Variants in THSD4 observed in about 807,000 individuals in gnomAD.
THSD4 encodes thrombospondin type-1 domain-containing protein 4.
In THSD4, 69 loss-of-function variants were observed where a neutral mutation model predicts 119.0. That is an observed-to-expected ratio of 0.58 (90% CI 0.48 to 0.71). THSD4 has a LOEUF of 0.71. Among genes scored for constraint, THSD4 ranks in the 30% least tolerant of loss-of-function variants. The pLI is 0.00. For missense variants in THSD4, 1,393 were observed against 1,391.1 expected (o/e 1.00, Z -0.02); for synonymous variants, 524 against 540.4 (o/e 0.97, Z 0.42).
chr15:71,389,222 A>G (rs943461378), intron 6 of THSD4, among the ~76,000 whole-genome samples: 1 of 152,160 alleles, frequency 6.6e-6, no homozygotes, highest in Admixed American at 6.5e-5. Flanking sequence ...TGTGCAACAA[A>G]TCTCTAGCAT....
intron 7 of THSD4, among the ~76,000 whole-genome samples, chr15:71,637,282 A>G (rs886077230): frequency 6.6e-6 from 1 of 152,236 alleles, no homozygotes; most frequent in Non-Finnish European, 1.5e-5. Context: ...GATGATAACT[A>G]AGATGGTTTG....
intron 7 of THSD4, among the ~76,000 whole-genome samples, chr15:71,647,826 A>G (rs2051000931): frequency 6.6e-6 from 1 of 152,180 alleles, no homozygotes; most frequent in Non-Finnish European, 1.5e-5. Flanking sequence ...GGACTTCAAT[A>G]TGGGATTGCA....
At chr15:71,762,842 G>A (rs2053648968) in intron 15 of THSD4, among the ~76,000 whole-genome samples, 1 of 152,166 alleles carries the variant, frequency 6.6e-6, no homozygotes, top group Non-Finnish European at 1.5e-5. Flanking sequence ...GCCAAGGCAG[G>A]CAGATCACTT....
chr15:71,309,328 C>T (rs963077280), intron 6 of THSD4, among the ~76,000 whole-genome samples: 1 of 152,104 alleles, frequency 6.6e-6, no homozygotes. Context: ...TATTCAAATC[C>T]TTTACCTATC....
At chr15:71,194,978 G>A (rs1182025605) in intron 3 of THSD4, among the ~76,000 whole-genome samples, 5 of 152,068 alleles carry the variant, frequency 3.3e-5, no homozygotes, top group African/African-American at 7.2e-5. Context: ...AGCCCAGCAC[G>A]GGGCTGGGAC....
intron 2 of THSD4, among the ~76,000 whole-genome samples, chr15:71,143,318 C>T (rs576900390): frequency 6.6e-6 from 1 of 152,164 alleles, no homozygotes; most frequent in African/African-American, 2.4e-5. Flanking sequence ...TATTTCAAGA[C>T]ATGAAATATG....
At chr15:71,123,390 C>A (rs1052271454) in intron 1 of THSD4, among the ~76,000 whole-genome samples, 11 of 152,182 alleles carry the variant, frequency 7.2e-5, no homozygotes, top group African/African-American at 2.7e-4. Flanking sequence ...GCTTCAGTTT[C>A]CTCATGTATG....
intron 3 of THSD4, among the ~76,000 whole-genome samples, chr15:71,191,521 T>A (rs564956356): frequency 6.6e-6 from 1 of 152,344 alleles, no homozygotes; most frequent in South Asian, 2.1e-4. Flanking sequence ...CATCTGTTAT[T>A]CTACTTAAAC....
chr15:71,102,634 G>C (rs1032200567), intron 1 of THSD4, among the ~76,000 whole-genome samples: 4 of 151,942 alleles, frequency 2.6e-5, no homozygotes, highest in African/African-American at 9.7e-5. Flanking sequence ...GTGTGATCTT[G>C]GCTCACTGCA....
Position 71,691,757 on chromosome 15 carries a change from T to C in THSD4, c.1357+31023T>C, listed in dbSNP as rs540858529. Among the ~76,000 whole-genome samples, 143 of 152,256 alleles carry C rather than the reference T, an allele frequency of 9.4e-4. 1 individual carries two copies. The highest frequency in any genetic ancestry group is 3.4e-3 in the African/African-American group (140 of 41,546). ...TTTAGGGTGTGAGAGAGATTGACAT[T>C]CTCTCCCTTGTCTAGCACAGGACTG... is the stretch of plus-strand genomic sequence containing the variant. On this transcript the variant is annotated intron_variant, in intron 8 of 17. Coordinates refer to ENST00000261862, the MANE Select transcript of THSD4 (RefSeq NM_024817.3).
chr15:71,351,802 A>G (rs541913067), intron 6 of THSD4, among the ~76,000 whole-genome samples: 36 of 152,220 alleles, frequency 2.4e-4, no homozygotes, highest in African/African-American at 7.0e-4. Context: ...ACTTCTCCCA[A>G]CTTGGTCCAT....
At chr15:71,686,616 A>T (rs1171798559) in intron 8 of THSD4, among the ~76,000 whole-genome samples, 1 of 152,188 alleles carries the variant, frequency 6.6e-6, no homozygotes, top group Non-Finnish European at 1.5e-5. Flanking sequence ...CTTGGGTTAT[A>T]AGGACAAAGG....
At chr15:71,510,148 A>G (rs977027411) in intron 7 of THSD4, among the ~76,000 whole-genome samples, 6 of 152,204 alleles carry the variant, frequency 3.9e-5, no homozygotes, top group Admixed American at 3.3e-4. Context: ...AAGTTGTTGC[A>G]TTGATAGAAC....
chr15:71,654,129 G>T (rs1215122285), intron 7 of THSD4, among the ~76,000 whole-genome samples: 4 of 152,148 alleles, frequency 2.6e-5, no homozygotes, highest in Non-Finnish European at 4.4e-5. Context: ...ACAAATGGGA[G>T]TGTTTGTGTT....
intron 7 of THSD4, among the ~76,000 whole-genome samples, chr15:71,503,066 A>T (rs1339683411): frequency 2.3e-5 from 3 of 128,052 alleles, no homozygotes; most frequent in Admixed American, 2.2e-4. Context: ...TTTGAGAAGC[A>T]CTCAGTTAGG....
At chr15:71,476,954 G>A (rs12595340) in intron 7 of THSD4, among the ~76,000 whole-genome samples, 1 of 152,104 alleles carries the variant, frequency 6.6e-6, no homozygotes, top group African/African-American at 2.4e-5. Context: ...GAGTGAACGC[G>A]CACTGGCATC....
intron 7 of THSD4, among the ~76,000 whole-genome samples, chr15:71,517,029 C>T (rs920174209): frequency 1.3e-5 from 2 of 152,206 alleles, no homozygotes; most frequent in Admixed American, 6.5e-5. Flanking sequence ...CAGACAGACT[C>T]TTCCTAAGGT....
At chr15:71,765,285 G>T in intron 16 of THSD4, 86 bp downstream of exon 16, 3 of 1,454,370 alleles carry the variant, frequency 2.1e-6, no homozygotes, top group Non-Finnish European at 2.7e-6. Flanking sequence ...CCAGGCACTG[G>T]GTTCAGCCCT....
rs754362583 is a variant in THSD4, at chr15:71,777,808, G to A, written c.*434G>A. 11 of 187,766 alleles carry A rather than the reference G, an allele frequency of 5.9e-5. No individual in the cohort carries two copies. The highest frequency in any genetic ancestry group is 9.2e-5 in the African/African-American group (4 of 43,594). The allele number at this position is 187,766 out of a possible 1,614,324, so 11.6% of individuals were successfully genotyped here. Reference sequence around the variant, plus strand: ...AAGGAGGCAGCGCCCCCAACCCAGCGCCCCACTAAGCCTTGCTGACACGCG... The same window carrying A: ...AAGGAGGCAGCGCCCCCAACCCAGCACCCCACTAAGCCTTGCTGACACGCG... On this transcript the variant is annotated 3_prime_UTR_variant, in exon 18 of 18. Coordinates refer to ENST00000261862, the MANE Select transcript of THSD4 (RefSeq NM_024817.3).
Sources: gnomAD v4.1 joint callset for allele counts (sites outside exome capture counted in the v4.1 genomes callset) on GRCh38, gnomAD v4.1.1 for gene constraint, MANE v1.5 for transcripts, NCBI Gene and HGNC (gene_info 2026-07-23, HGNC 2026-07-21) for gene names.